The following RXFP1 variants were observed in gnomAD, a reference collection of about 807,000 sequenced individuals.
RXFP1 encodes the protein relaxin family peptide receptor 1, also known as relaxin receptor 1.
In RXFP1, 73 loss-of-function variants were observed where a neutral mutation model predicts 89.8. The observed-to-expected ratio is 0.81, with a 90% CI of 0.67 to 0.99. RXFP1 has a LOEUF of 0.99. Ranked by LOEUF, RXFP1 falls within the 50% of genes least tolerant of loss-of-function variation. The pLI is 0.00. For missense variants in RXFP1, 793 were observed against 895.5 expected, an observed-to-expected ratio of 0.89 and a Z score of 1.46; for synonymous variants, 277 against 305.5, an observed-to-expected ratio of 0.91 and a Z score of 0.97.
At chr4:158,534,462 G>A (rs190188368) in intron 1 of RXFP1, among the ~76,000 whole-genome samples, 140 of 152,096 alleles carry the variant, frequency 9.2e-4, no homozygotes, top group African/African-American at 3.2e-3. Flanking sequence ...GGTCAGGTTG[G>A]TCTCGAACTC....
At chr4:158,619,953 C>T (rs770783258) in intron 9 of RXFP1, among the ~76,000 whole-genome samples, 8 of 152,166 alleles carry the variant, frequency 5.3e-5, no homozygotes, top group Non-Finnish European at 7.3e-5. Context: ...AAAGCTGAGA[C>T]AGCCCCATCC....
At chr4:158,556,021 C>G (rs1427323437) in intron 1 of RXFP1, among the ~76,000 whole-genome samples, 3 of 151,940 alleles carry the variant, frequency 2.0e-5, no homozygotes, top group Non-Finnish European at 4.4e-5. Context: ...TTGGGCTTGG[C>G]AAAGATTTTT....
chr4:158,622,748 T>C (rs1200552829), intron 9 of RXFP1, among the ~76,000 whole-genome samples: 4 of 152,144 alleles, frequency 2.6e-5, no homozygotes, highest in African/African-American at 2.4e-5. Context: ...GGGTACAAAA[T>C]TACAGTTATG....
intron 6 of RXFP1, among the ~76,000 whole-genome samples, chr4:158,611,382 A>T (rs1763549699): frequency 6.6e-6 from 1 of 152,188 alleles, no homozygotes; most frequent in Admixed American, 6.5e-5. Flanking sequence ...GTGGGATGTA[A>T]AGATGGGTAA....
chr4:158,549,949 G>A (rs979096419), intron 1 of RXFP1, among the ~76,000 whole-genome samples: 4 of 152,238 alleles, frequency 2.6e-5, no homozygotes, highest in African/African-American at 9.6e-5. Context: ...CCAGCTGCAT[G>A]CTGGGAGAAC....
intron 1 of RXFP1, among the ~76,000 whole-genome samples, chr4:158,554,241 T>G (rs1750774271): frequency 6.6e-6 from 1 of 152,240 alleles, no homozygotes; most frequent in South Asian, 2.1e-4. Context: ...AGAAACCGTA[T>G]TTTTACACTC....
At chr4:158,646,229 T>C in intron 15 of RXFP1, 1 of 377,928 alleles carries the variant, frequency 2.6e-6, no homozygotes. Flanking sequence ...CCAACTCTGG[T>C]AAGTAATTTA....
At chr4:158,524,881 T>A (rs887621311) in intron 1 of RXFP1, among the ~76,000 whole-genome samples, 1 of 152,106 alleles carries the variant, frequency 6.6e-6, no homozygotes, top group African/African-American at 2.4e-5. Context: ...AGTGAAGATA[T>A]AGGAAATAGA....
At chr4:158,620,604 C>CT (rs1345267751) in intron 9 of RXFP1, among the ~76,000 whole-genome samples, 1 of 151,912 alleles carries the variant, frequency 6.6e-6, no homozygotes, top group Non-Finnish European at 1.5e-5. Flanking sequence ...AGAAAAACAA[C>CT]TTTTTTTTAA....
At position 158,644,041 on chromosome 4, in the gene RXFP1, CTTTTTTT is replaced by C. The variant is rs70962619; in HGVS notation, c.1116-854_1116-848del. ...CATAGGTTGGCCATTTCTATGTCTT[CTTTTTTT>C]TTTTTTTTTTTTTGGAGACAGAGTC... On this transcript the variant is annotated intron_variant, in intron 14 of 17. Coordinates refer to ENST00000307765, the MANE Select transcript of RXFP1 (RefSeq NM_021634.4). 6.4e-5 allele frequency among the ~76,000 whole-genome samples: 5 copies of C among 78,306 alleles called. No homozygotes were observed. In the East Asian group the frequency reaches 1.2e-3, roughly 19 times the overall value. 51.4% of individuals were successfully genotyped at this position (78,306 alleles called of 152,430 possible).
chr4:158,632,442 A>G lies in RXFP1; in HGVS notation c.900-963A>G, dbSNP rs536482732. Among the ~76,000 whole-genome samples the G allele has an allele frequency of 6.6e-5, 10 of 152,324 alleles. No individual in the cohort carries two copies. In the East Asian group the frequency reaches 1.9e-3, roughly 29 times the overall value. ...ATATGATTTGGAGATGAATAGAAGA[A>G]AAGGTTAGACTTTCCCTTAGTATCT... On this transcript the variant is annotated intron_variant, in intron 11 of 17. Coordinates refer to ENST00000307765, the MANE Select transcript of RXFP1 (RefSeq NM_021634.4).
At chr4:158,551,941 C>G (rs1433824450) in intron 1 of RXFP1, among the ~76,000 whole-genome samples, 1 of 151,864 alleles carries the variant, frequency 6.6e-6, no homozygotes, top group Non-Finnish European at 1.5e-5. Context: ...GACCTTGTTA[C>G]AAAAATAAAT....
chr4:158,612,921 T>G (rs775630303), intron 8 of RXFP1, among the ~76,000 whole-genome samples: 33 of 152,190 alleles, frequency 2.2e-4, no homozygotes, highest in Non-Finnish European at 4.3e-4. Context: ...ATCACAATAT[T>G]CTTAAGCACA....
rs761564243 is a variant in RXFP1, at chr4:158,637,998, T to A, written c.972-10T>A. On this transcript the variant is annotated splice_polypyrimidine_tract_variant and intron_variant, in intron 12 of 17. Transcript: ENST00000307765. ...AGAAATGACCTATTGCTGCTTTTTT[T>A]AAAAAACAGGAATCTTTCCTATAAT... 2.4e-5 allele frequency: 37 copies of A among 1,565,756 alleles called. No individual in the cohort carries two copies. In the East Asian group the frequency reaches 2.7e-4, roughly 11 times the overall value.
intron 1 of RXFP1, among the ~76,000 whole-genome samples, chr4:158,567,893 C>T (rs918093861): frequency 6.6e-6 from 1 of 152,240 alleles, no homozygotes. Context: ...CCGCTCGGGT[C>T]TCCTTCCAGC....
chr4:158,562,523 CAAAAAA>C (rs55944906), intron 1 of RXFP1, among the ~76,000 whole-genome samples: 311 of 25,320 alleles, frequency 0.012, 5 homozygotes, highest in Middle Eastern at 0.056. Flanking sequence ...GACTCCGTCT[CAAAAAA>C]AAAAAAAAAA....
Position 158,616,128 on chromosome 4 carries a change from T to TA in RXFP1, c.681-999dup, listed in dbSNP as rs577300771. Among the ~76,000 whole-genome samples the TA allele has an allele frequency of 1.2e-4, 18 of 152,006 alleles. No homozygotes were observed. In the East Asian group the frequency reaches 3.5e-3, roughly 29 times the overall value. ...CAAAGTGCAATAAAGCAAAACACAA[T>TA]AAAACAAGGTGGGCCAGGTGCAGTG... is the stretch of plus-strand genomic sequence containing the variant. On this transcript the variant is annotated intron_variant, in intron 8 of 17. Coordinates refer to ENST00000307765, the MANE Select transcript of RXFP1 (RefSeq NM_021634.4).
chr4:158,531,159 G>T (rs532312358), intron 1 of RXFP1, among the ~76,000 whole-genome samples: 1 of 151,928 alleles, frequency 6.6e-6, no homozygotes, highest in African/African-American at 2.4e-5. Flanking sequence ...ACTAAGCCTC[G>T]CGAGTTGCTG....
At chr4:158,602,404 T>C (rs561142474) in intron 4 of RXFP1, among the ~76,000 whole-genome samples, 1 of 152,276 alleles carries the variant, frequency 6.6e-6, no homozygotes, top group African/African-American at 2.4e-5. Context: ...TGTGTCTCTT[T>C]TATGTATACT....
Sources: allele counts gnomAD v4.1 joint callset (sites outside exome capture counted in the v4.1 genomes callset), GRCh38; gene constraint gnomAD v4.1.1; transcripts MANE v1.5; gene names NCBI Gene and HGNC (gene_info 2026-07-23, HGNC 2026-07-21).